The following FAM171A1 variants were observed in gnomAD, a reference collection of about 807,000 sequenced individuals.
The protein encoded by FAM171A1 is protein FAM171A1.
A neutral mutation model predicts 74.9 loss-of-function variants in FAM171A1; 23 were observed. The ratio of observed to expected loss-of-function variants is 0.31; its 90% CI spans 0.22 to 0.44. The LOEUF (loss-of-function observed/expected upper bound fraction) is 0.44, where lower values mean the gene tolerates loss of function less well. Among genes scored for constraint, FAM171A1 ranks in the 20% least tolerant of loss-of-function variants. The pLI, the probability that FAM171A1 is intolerant of heterozygous loss-of-function variation, is 1.00. For synonymous variants in FAM171A1, 527 were observed against 505.7 expected (o/e 1.04, Z -0.57); for missense variants, 1,162 against 1,159.2 (o/e 1.00, Z -0.03).
At chr10:15,276,004 C>G in intron 2 of FAM171A1, 57 bp from the exon 3 acceptor site, 1 of 1,304,480 alleles carries the variant, frequency 7.7e-7, no homozygotes. Flanking sequence ...TAAGTGCCTA[C>G]TCTAATTTTT....
intron 1 of FAM171A1, among the ~76,000 whole-genome samples, chr10:15,294,455 G>C (rs45624342): frequency 6.4e-4 from 98 of 152,262 alleles, no homozygotes; most frequent in Admixed American, 2.2e-3. Context: ...CAGGAATTCA[G>C]CCATCGCCTC....
Position 15,254,803 on chromosome 10 carries a change from C to T in FAM171A1, c.495G>A (p.Leu165=), listed in dbSNP as rs1834556902. The T allele has an allele frequency of 6.2e-7, 1 of 1,614,064 alleles. No individual in the cohort carries two copies. The highest frequency in any genetic ancestry group is 1.7e-5 in the Admixed American group (1 of 60,012). The change falls in exon 4 of 8, where the codon CTG becomes CTA. Residue 165 remains leucine (L), a synonymous_variant. Coordinates refer to ENST00000378116, the MANE Select transcript of FAM171A1 (RefSeq NM_001010924.2). ...AGCTGGCGGCCGTGAGAAACGCGGT[C>T]AGGTCACTGTAGCTGGTGTTCTCAG... ...RLPENTSYSD[L]TAFLTAASSP...
At chr10:15,356,663 T>A (rs1261667347) in intron 1 of FAM171A1, among the ~76,000 whole-genome samples, 1 of 152,122 alleles carries the variant, frequency 6.6e-6, no homozygotes, top group Non-Finnish European at 1.5e-5. Flanking sequence ...CAGTACTGAA[T>A]GATATGGGAT....
At position 15,283,880 on chromosome 10, in the gene FAM171A1, G is replaced by A. The variant is rs778099820; in HGVS notation, c.323C>T (p.Pro108Leu). ...NSAPWKPIRL[P>L]VFSSLSLGLL... is the part of the protein sequence containing the mutation. The stretch of plus-strand genomic sequence containing the variant: ...AAGAAAGATGAGGAACGCCTTACCA[G>A]GTAACCGGATTGGCTTCCATGGGGC... The change falls in exon 2 of 8, where the codon CCT becomes CTT. Residue 108 changes from proline (P) to leucine (L), a missense_variant and splice_region_variant. By Grantham distance (98) the Pro-to-Leu change is moderately conservative. Coordinates refer to ENST00000378116, the MANE Select transcript of FAM171A1 (RefSeq NM_001010924.2). 1 of 1,614,120 alleles carries A rather than the reference G, an allele frequency of 6.2e-7. No individual in the cohort carries two copies.
intron 1 of FAM171A1, among the ~76,000 whole-genome samples, chr10:15,325,935 T>A (rs2131852934): frequency 6.6e-6 from 1 of 152,324 alleles, no homozygotes; most frequent in Middle Eastern, 3.4e-3. Flanking sequence ...GACTCTTACT[T>A]GTAAACCACA....
At chr10:15,360,570 A>G (rs74352590) in intron 1 of FAM171A1, among the ~76,000 whole-genome samples, 54 of 152,336 alleles carry the variant, frequency 3.5e-4, no homozygotes, top group Non-Finnish European at 4.6e-4. Flanking sequence ...GACCAGGGAC[A>G]ATGAGGTTTC....
chr10:15,275,882 C>T lies in FAM171A1; in HGVS notation c.391G>A (p.Val131Ile). Residue 131 changes from valine to isoleucine, a missense_variant, in exon 3 of 8, where the codon GTC (valine) becomes ATC (isoleucine). Val to Ile is a conservative substitution (Grantham distance 29). Coordinates refer to ENST00000378116, the MANE Select transcript of FAM171A1 (RefSeq NM_001010924.2). Reference sequence around the variant, plus strand: ...TGGAATCCTGATACTATTTGGACGACATCTTCATATACCATTAGAGTGGCA... The same window carrying T: ...TGGAATCCTGATACTATTTGGACGATATCTTCATATACCATTAGAGTGGCA... ...RSATLMVYED[V>I]VQIVSGFQGA... The T allele has an allele frequency of 6.2e-7, 1 of 1,611,450 alleles. No homozygotes were observed. Among genetic ancestry groups the T allele is most frequent in the African/African-American group, 1.3e-5 (1 of 74,996 alleles).
chr10:15,291,149 C>T (rs1835097772), intron 1 of FAM171A1, among the ~76,000 whole-genome samples: 1 of 152,182 alleles, frequency 6.6e-6, no homozygotes. Context: ...CACGTCCGGC[C>T]ATACCACTAT....
At chr10:15,268,572 A>T (rs766061229) in intron 3 of FAM171A1, among the ~76,000 whole-genome samples, 1 of 152,040 alleles carries the variant, frequency 6.6e-6, no homozygotes, top group East Asian at 1.9e-4. Context: ...CAGGCCTCCA[A>T]GCAGAGGCGT....
chr10:15,248,557 C>A (rs1322500154), intron 5 of FAM171A1, 82 bp downstream of exon 5: 1 of 1,417,774 alleles, frequency 7.1e-7, no homozygotes, highest in African/African-American at 1.4e-5. Context: ...GGAAAGGAGA[C>A]TTCCATGAGC....
chr10:15,295,113 T>C (rs1159997984), intron 1 of FAM171A1, among the ~76,000 whole-genome samples: 1 of 152,126 alleles, frequency 6.6e-6, no homozygotes, highest in Non-Finnish European at 1.5e-5. Flanking sequence ...ATTTTTTTAT[T>C]TTTAGTAGAG....
At chr10:15,284,210 A>G (rs930339064) in intron 1 of FAM171A1, 105 bp from the exon 2 acceptor site, 2 of 998,870 alleles carry the variant, frequency 2.0e-6, no homozygotes, top group Admixed American at 4.9e-5. Context: ...CTGTAAGGAC[A>G]TCAAGGTTGA....
chr10:15,351,461 G>A (rs1214235806), intron 1 of FAM171A1, among the ~76,000 whole-genome samples: 1 of 152,202 alleles, frequency 6.6e-6, no homozygotes, highest in Non-Finnish European at 1.5e-5. Flanking sequence ...TCAGGATGAT[G>A]AGGAACAAAA....
chr10:15,280,915 A>G (rs1005250866), intron 2 of FAM171A1, among the ~76,000 whole-genome samples: 1 of 152,188 alleles, frequency 6.6e-6, no homozygotes, highest in African/African-American at 2.4e-5. Context: ...TCTAGTTAAG[A>G]GCATAACATG....
At chr10:15,278,596 G>A (rs1443450576) in intron 2 of FAM171A1, among the ~76,000 whole-genome samples, 1 of 152,190 alleles carries the variant, frequency 6.6e-6, no homozygotes, top group Non-Finnish European at 1.5e-5. Context: ...ACTGACATGT[G>A]CTACAACGTG....
At chr10:15,315,414 C>T (rs899457000) in intron 1 of FAM171A1, among the ~76,000 whole-genome samples, 3 of 152,158 alleles carry the variant, frequency 2.0e-5, no homozygotes, top group Admixed American at 6.5e-5. Flanking sequence ...TGTGCAGGCC[C>T]GTGGCTAGCC....
Position 15,214,572 on chromosome 10 carries a change from T to C in FAM171A1, c.1016A>G (p.His339Arg), listed in dbSNP as rs1833943688. ...RRKCLKPRQH[H>R]RKLQLPAGLE... The stretch of plus-strand genomic sequence containing the variant: ...TCCTGCAGGGAGCTGCAGTTTTCTG[T>C]GGTGCTGACGAGGTTTCAAGCACTT... Residue 339 changes from histidine (H) to arginine (R), a missense_variant, in exon 8 of 8, where the codon CAC becomes CGC. Physicochemically the swap from His to Arg is conservative, Grantham distance 29 (BLOSUM62 0). Coordinates refer to ENST00000378116, the MANE Select transcript of FAM171A1 (RefSeq NM_001010924.2). 6.2e-7 allele frequency: 1 copy of C among 1,610,514 alleles called. No individual in the cohort carries two copies. Among genetic ancestry groups the C allele is most frequent in the Non-Finnish European group, 8.5e-7 (1 of 1,178,104 alleles).
chr10:15,357,510 G>C (rs1268704846), intron 1 of FAM171A1, among the ~76,000 whole-genome samples: 1 of 152,222 alleles, frequency 6.6e-6, no homozygotes, highest in Non-Finnish European at 1.5e-5. Context: ...TTTCTGGAAT[G>C]ATGGAAATAT....
intron 1 of FAM171A1, among the ~76,000 whole-genome samples, chr10:15,339,212 A>C (rs1211260645): frequency 6.6e-6 from 1 of 152,228 alleles, no homozygotes; most frequent in Non-Finnish European, 1.5e-5. Flanking sequence ...ATTCCTATGT[A>C]TCTCTCACCC....
Sources: gnomAD v4.1 joint callset for allele counts (sites outside exome capture counted in the v4.1 genomes callset) on GRCh38, gnomAD v4.1.1 for gene constraint, MANE v1.5 for transcripts, NCBI Gene and HGNC (gene_info 2026-07-23, HGNC 2026-07-21) for gene names.